MYO5A: variants seen among roughly 807,000 people sequenced by gnomAD.
MYO5A encodes the protein unconventional myosin-Va.
MYO5A carries 98 observed loss-of-function variants against 249.7 expected under a neutral mutation model. The observed-to-expected ratio is 0.39, with a 90% CI of 0.33 to 0.46. The LOEUF is 0.46. Ranked by LOEUF, MYO5A falls within the 20% of genes least tolerant of loss-of-function variation. The probability of loss-of-function intolerance (pLI) is 0.98; values close to 1 mark genes in which losing one functional copy is unlikely to be tolerated. For missense variants in MYO5A, 1,696 were observed against 2,308.8 expected (o/e 0.73, Z 5.44); for synonymous variants, 778 against 810.6 (o/e 0.96, Z 0.68).
At chr15:52,469,856 A>G (rs2076423755) in intron 1 of MYO5A, among the ~76,000 whole-genome samples, 1 of 152,298 alleles carries the variant, frequency 6.6e-6, no homozygotes, top group South Asian at 2.1e-4. Context: ...ACTCATCTCC[A>G]TCAAGTTGGC....
intron 1 of MYO5A, among the ~76,000 whole-genome samples, chr15:52,468,631 G>C (rs1567154848): frequency 6.6e-6 from 1 of 152,180 alleles, no homozygotes; most frequent in African/African-American, 2.4e-5. Context: ...GATCATGCCA[G>C]TGCACTCCAG....
At chr15:52,517,502 T>C (rs746502868) in intron 1 of MYO5A, among the ~76,000 whole-genome samples, 2 of 152,148 alleles carry the variant, frequency 1.3e-5, no homozygotes, top group Admixed American at 6.5e-5. Flanking sequence ...CTAGCCAACA[T>C]GGTGAAATCC....
At chr15:52,461,554 T>C (rs1465206074) in intron 1 of MYO5A, among the ~76,000 whole-genome samples, 1 of 152,144 alleles carries the variant, frequency 6.6e-6, no homozygotes, top group Admixed American at 6.5e-5. Flanking sequence ...GAACAGAACA[T>C]GAGTAAGCAT....
chr15:52,319,600 G>C (rs1302948025), intron 38 of MYO5A, among the ~76,000 whole-genome samples: 1 of 152,084 alleles, frequency 6.6e-6, no homozygotes, highest in Non-Finnish European at 1.5e-5. Flanking sequence ...GCGTGGTAGC[G>C]TGTGCCTGTA....
At chr15:52,522,014 C>T (rs2077632121) in intron 1 of MYO5A, among the ~76,000 whole-genome samples, 1 of 152,198 alleles carries the variant, frequency 6.6e-6, no homozygotes, top group Non-Finnish European at 1.5e-5. Flanking sequence ...TCCACTTCCG[C>T]CTCCCACTGA....
At chr15:52,470,191 G>A (rs1001643827) in intron 1 of MYO5A, among the ~76,000 whole-genome samples, 1 of 152,134 alleles carries the variant, frequency 6.6e-6, no homozygotes, top group African/African-American at 2.4e-5. Context: ...TCTTTCCACA[G>A]AGTACCATGT....
At chr15:52,510,762 CTG>C (rs558695422) in intron 1 of MYO5A, among the ~76,000 whole-genome samples, 111 of 152,240 alleles carry the variant, frequency 7.3e-4, no homozygotes, top group Admixed American at 1.8e-3. Flanking sequence ...TGTGGAAAAA[CTG>C]TCTTCCATGA....
At chr15:52,348,460 G>C (rs770165372) in intron 29 of MYO5A, among the ~76,000 whole-genome samples, 1 of 152,116 alleles carries the variant, frequency 6.6e-6, no homozygotes, top group Non-Finnish European at 1.5e-5. Flanking sequence ...CAACAAGCCC[G>C]CCACTGGTAG....
At chr15:52,386,736 T>C (rs1014359687) in intron 14 of MYO5A, among the ~76,000 whole-genome samples, 2 of 152,072 alleles carry the variant, frequency 1.3e-5, no homozygotes, top group African/African-American at 2.4e-5. Flanking sequence ...TTTGTAGACA[T>C]GGGGTTTTGC....
chr15:52,415,439 C>T (rs11852261), intron 5 of MYO5A, among the ~76,000 whole-genome samples: 22,876 of 152,138 alleles, frequency 0.15, 1,827 homozygotes, highest in Middle Eastern at 0.21. Flanking sequence ...TTCATTGGCA[C>T]AGGCATTTCT....
chr15:52,456,461 A>T (rs2076120997), intron 1 of MYO5A, among the ~76,000 whole-genome samples: 1 of 152,138 alleles, frequency 6.6e-6, no homozygotes, highest in Non-Finnish European at 1.5e-5. Flanking sequence ...AAACAGAAAA[A>T]CAATCCTAAA....
intron 28 of MYO5A, 34 bp downstream of exon 28, chr15:52,351,220 C>G: frequency 1.3e-6 from 2 of 1,568,418 alleles, no homozygotes; most frequent in Non-Finnish European, 1.8e-6. Context: ...GGCCAGTCCC[C>G]GAACACCCAG....
chr15:52,329,841 T>G, intron 35 of MYO5A, among the ~76,000 whole-genome samples: 1 of 151,224 alleles, frequency 6.6e-6, no homozygotes, highest in Non-Finnish European at 1.5e-5. Flanking sequence ...TGGGCTTACA[T>G]GATCCTCCCA....
intron 1 of MYO5A, among the ~76,000 whole-genome samples, chr15:52,465,808 T>G (rs2076341280): frequency 6.6e-6 from 1 of 152,112 alleles, no homozygotes; most frequent in African/African-American, 2.4e-5. Flanking sequence ...ACCAAAATAG[T>G]GTGTAGACAA....
intron 23 of MYO5A, among the ~76,000 whole-genome samples, chr15:52,366,629 C>CAAAAAA (rs60631867): frequency 1.9e-4 from 14 of 74,552 alleles, no homozygotes; most frequent in East Asian, 3.5e-4. Context: ...ATTGATTTAG[C>CAAAAAA]AAAAAAAAAA....
At chr15:52,424,668 C>T (rs1216034359) in intron 4 of MYO5A, among the ~76,000 whole-genome samples, 1 of 152,198 alleles carries the variant, frequency 6.6e-6, no homozygotes, top group Non-Finnish European at 1.5e-5. Flanking sequence ...ATAAAAACCT[C>T]TGCAGTATTA....
intron 21 of MYO5A, among the ~76,000 whole-genome samples, chr15:52,370,976 G>C (rs1317874590): frequency 1.3e-5 from 2 of 152,008 alleles, no homozygotes; most frequent in African/African-American, 4.8e-5. Context: ...AGCTAGACAT[G>C]GTGGTGTGTA....
intron 22 of MYO5A, among the ~76,000 whole-genome samples, chr15:52,367,367 T>C (rs1381473296): frequency 6.6e-6 from 1 of 152,256 alleles, no homozygotes; most frequent in East Asian, 1.9e-4. Flanking sequence ...TATATGCTCT[T>C]TATATCCGTT....
At chr15:52,335,574 T>C (rs554085970) in intron 34 of MYO5A, among the ~76,000 whole-genome samples, 2 of 146,010 alleles carry the variant, frequency 1.4e-5, no homozygotes, top group Non-Finnish European at 3.0e-5. Flanking sequence ...CACTGCTAGA[T>C]CCCTGTACCT....
Sources: gnomAD v4.1 joint callset for allele counts (sites outside exome capture counted in the v4.1 genomes callset) on GRCh38, gnomAD v4.1.1 for gene constraint, MANE v1.5 for transcripts, NCBI Gene and HGNC (gene_info 2026-07-23, HGNC 2026-07-21) for gene names.